Variants in MYT1L observed in about 807,000 individuals in gnomAD.
The protein encoded by MYT1L is myelin transcription factor 1-like protein.
In MYT1L, 12 loss-of-function variants were observed where a neutral mutation model predicts 126.7. The observed-to-expected ratio is 0.09, with a 90% confidence interval of 0.06 to 0.15. The LOEUF is 0.15. Ranked by LOEUF, MYT1L falls within the 10% of genes least tolerant of loss-of-function variation. The pLI, the probability that MYT1L is intolerant of heterozygous loss-of-function variation, is 1.00. For missense variants in MYT1L, 979 were observed against 1,585.2 expected (o/e 0.62, Z 6.49); for synonymous variants, 541 against 604.2 (o/e 0.90, Z 1.53).
intron 2 of MYT1L, among the ~76,000 whole-genome samples, chr2:2,219,602 T>C (rs1379206980): frequency 6.6e-6 from 1 of 152,240 alleles, no homozygotes; most frequent in Admixed American, 6.5e-5. Flanking sequence ...TTGTTCCTCT[T>C]CCTTATTTGA....
At chr2:2,058,966 T>C (rs926427062) in intron 3 of MYT1L, among the ~76,000 whole-genome samples, 2 of 152,224 alleles carry the variant, frequency 1.3e-5, no homozygotes, top group African/African-American at 4.8e-5. Context: ...AACAAAACTA[T>C]AGATCTTACT....
chr2:1,911,890 T>C (rs1362875569), intron 12 of MYT1L, 130 bp downstream of exon 12: 3 of 601,654 alleles, frequency 5.0e-6, no homozygotes, highest in Admixed American at 3.4e-5. Context: ...CCGTGCATTA[T>C]ATGGAGGTGC....
chr2:1,994,385 C>T (rs932265911), intron 5 of MYT1L, among the ~76,000 whole-genome samples: 17 of 151,710 alleles, frequency 1.1e-4, no homozygotes, highest in African/African-American at 4.1e-4. Context: ...CTGCTCCCTC[C>T]TCCCAGCGAG....
chr2:2,187,956 C>T (rs1553543745), intron 2 of MYT1L, among the ~76,000 whole-genome samples: 4 of 152,114 alleles, frequency 2.6e-5, no homozygotes, highest in Non-Finnish European at 2.9e-5. Context: ...TTTATATTCT[C>T]TTATATTAAA....
chr2:2,273,258 T>G (rs2095299005), intron 2 of MYT1L, among the ~76,000 whole-genome samples: 1 of 151,926 alleles, frequency 6.6e-6, no homozygotes, highest in Non-Finnish European at 1.5e-5. Context: ...AAACACTAAA[T>G]AGTGAGGGAG....
intron 19 of MYT1L, among the ~76,000 whole-genome samples, chr2:1,849,097 A>G (rs769432175): frequency 6.6e-5 from 10 of 152,152 alleles, no homozygotes; most frequent in Non-Finnish European, 1.2e-4. Context: ...ATATATGTAA[A>G]ATGAATAAAA....
intron 21 of MYT1L, among the ~76,000 whole-genome samples, chr2:1,833,222 C>T (rs6708121): frequency 6.6e-6 from 1 of 151,948 alleles, no homozygotes; most frequent in Non-Finnish European, 1.5e-5. Context: ...TGCCCGCATC[C>T]GAGGCTCTTA....
intron 3 of MYT1L, among the ~76,000 whole-genome samples, chr2:2,103,319 G>A (rs2078329144): frequency 6.6e-6 from 1 of 152,206 alleles, no homozygotes; most frequent in South Asian, 2.1e-4. Flanking sequence ...CCTCTGCAGT[G>A]CTTAATCCTG....
At chr2:2,257,216 G>T (rs2094839007) in intron 2 of MYT1L, among the ~76,000 whole-genome samples, 4 of 152,074 alleles carry the variant, frequency 2.6e-5, no homozygotes, top group Admixed American at 1.3e-4. Context: ...GGACCCTCTG[G>T]ATACCTCCTG....
chr2:1,838,914 G>A (rs1485431753), intron 21 of MYT1L, among the ~76,000 whole-genome samples: 2 of 152,344 alleles, frequency 1.3e-5, no homozygotes, highest in Non-Finnish European at 2.9e-5. Context: ...GAAAACTGCT[G>A]TGGTCATCTA....
Position 2,126,001 on chromosome 2 carries a change from C to A in MYT1L, c.-304+46871G>T, listed in dbSNP as rs1451271600. On this transcript the variant is annotated intron_variant, in intron 3 of 24. Coordinates refer to ENST00000647738, the MANE Select transcript of MYT1L (RefSeq NM_001303052.2). ...CACACTGTTTCATTCTCATTATCAC[C>A]CAGATCATGGTGGACACAACATTCC... Among the ~76,000 whole-genome samples, 4 of 152,216 alleles carry A rather than the reference C, an allele frequency of 2.6e-5. No individual in the cohort carries two copies. In the South Asian group the frequency reaches 6.2e-4, roughly 24 times the overall value.
At chr2:1,926,162 C>T (rs746661252) in intron 9 of MYT1L, among the ~76,000 whole-genome samples, 4 of 152,256 alleles carry the variant, frequency 2.6e-5, no homozygotes, top group Middle Eastern at 3.4e-3. Context: ...GCGTGGGTGG[C>T]CTCAAAGCCT....
intron 8 of MYT1L, among the ~76,000 whole-genome samples, chr2:1,964,279 T>C (rs1356030492): frequency 1.3e-5 from 2 of 152,172 alleles, no homozygotes; most frequent in Non-Finnish European, 2.9e-5. Context: ...ACAATCACAG[T>C]GGTACCATCA....
chr2:2,202,981 C>A (rs954401933), intron 2 of MYT1L, among the ~76,000 whole-genome samples: 1 of 151,250 alleles, frequency 6.6e-6, no homozygotes, highest in African/African-American at 2.4e-5. Flanking sequence ...CACAAATCAA[C>A]AAATGTAATC....
At chr2:2,088,046 C>G (rs1299907687) in intron 3 of MYT1L, among the ~76,000 whole-genome samples, 1 of 152,182 alleles carries the variant, frequency 6.6e-6, no homozygotes, top group Non-Finnish European at 1.5e-5. Context: ...GAGGGGTCAA[C>G]AAGAGGTCAT....
At chr2:2,157,055 T>C (rs1021114164) in intron 3 of MYT1L, among the ~76,000 whole-genome samples, 9 of 152,184 alleles carry the variant, frequency 5.9e-5, no homozygotes, top group Non-Finnish European at 8.8e-5. Context: ...GCAAAATAAG[T>C]GTCCTGCTGA....
chr2:1,839,105 G>A (rs776656397), intron 21 of MYT1L, 44 bp downstream of exon 21: 32 of 1,534,442 alleles, frequency 2.1e-5, no homozygotes, highest in Admixed American at 1.1e-4. Flanking sequence ...GTCGGCTCTC[G>A]GCGGCACCAT....
intron 11 of MYT1L, among the ~76,000 whole-genome samples, chr2:1,913,978 G>A (rs769909349): frequency 1.1e-4 from 17 of 152,072 alleles, no homozygotes; most frequent in East Asian, 3.9e-4. Context: ...AAACCCTTCC[G>A]GGCGTGGTGG....
At chr2:2,007,629 T>TA (rs1462366483) in intron 4 of MYT1L, among the ~76,000 whole-genome samples, 1 of 152,206 alleles carries the variant, frequency 6.6e-6, no homozygotes, top group Non-Finnish European at 1.5e-5. Flanking sequence ...GATTTCAGCT[T>TA]ATTTTTTTTT....
Sources: gnomAD v4.1 joint callset for allele counts (sites outside exome capture counted in the v4.1 genomes callset) on GRCh38, gnomAD v4.1.1 for gene constraint, MANE v1.5 for transcripts, NCBI Gene and HGNC (gene_info 2026-07-23, HGNC 2026-07-21) for gene names.